The following DHX35 variants were observed in gnomAD, a reference collection of about 807,000 sequenced individuals.
DHX35 encodes probable ATP-dependent RNA helicase DHX35.
Under a neutral mutation model 99.6 loss-of-function variants are expected in DHX35, and 84 were observed. The ratio of observed to expected loss-of-function variants is 0.84; its 90% confidence interval spans 0.71 to 1.01. DHX35 has a LOEUF of 1.01. DHX35 is among the 50% of genes least tolerant of loss of function. DHX35 has a pLI of 0.00. For synonymous variants in DHX35, 331 were observed against 316.2 expected (o/e 1.05, Z -0.50); for missense variants, 852 against 888.5 (o/e 0.96, Z 0.52).
At chr20:38,979,113 C>T (rs935689811) in intron 3 of DHX35, among the ~76,000 whole-genome samples, 1 of 151,830 alleles carries the variant, frequency 6.6e-6, no homozygotes, top group Non-Finnish European at 1.5e-5. Flanking sequence ...TTTTTGAAGT[C>T]AGGTAATGCC....
At chr20:38,988,282 G>T (rs538487156) in intron 4 of DHX35, among the ~76,000 whole-genome samples, 3 of 152,174 alleles carry the variant, frequency 2.0e-5, no homozygotes, top group African/African-American at 7.2e-5. Context: ...GTTTTTCATT[G>T]TGTATGTTCT....
At chr20:39,022,455 C>T (rs2086889364) in intron 16 of DHX35, among the ~76,000 whole-genome samples, 1 of 152,168 alleles carries the variant, frequency 6.6e-6, no homozygotes, top group African/African-American at 2.4e-5. Context: ...CGTGCCCGGC[C>T]TATTATCATA....
intron 7 of DHX35, among the ~76,000 whole-genome samples, chr20:38,994,211 C>T (rs192872877): frequency 2.0e-5 from 3 of 151,786 alleles, no homozygotes; most frequent in Non-Finnish European, 2.9e-5. Flanking sequence ...ATAAGAGGGC[C>T]GATTTCACTG....
At chr20:38,982,019 C>A (rs1192619762) in intron 3 of DHX35, among the ~76,000 whole-genome samples, 1 of 150,976 alleles carries the variant, frequency 6.6e-6, no homozygotes, top group Admixed American at 6.6e-5. Flanking sequence ...ATTGCTGAGT[C>A]TCAGTGAGCA....
At chr20:38,972,749 C>T in intron 3 of DHX35, 98 bp downstream of exon 3, 1 of 766,754 alleles carries the variant, frequency 1.3e-6, no homozygotes, top group East Asian at 2.7e-5. Flanking sequence ...TTTTTAAGGT[C>T]TCCTTTCAGG....
At chr20:39,005,337 G>A (rs2086597581) in intron 11 of DHX35, among the ~76,000 whole-genome samples, 2 of 152,066 alleles carry the variant, frequency 1.3e-5, no homozygotes, top group African/African-American at 4.8e-5. Flanking sequence ...ACCTCATCTT[G>A]TACTTTGTAT....
chr20:39,030,759 G>T lies in DHX35; in HGVS notation c.1939G>T (p.Glu647Ter), dbSNP rs2087036034. 3 of 1,614,042 alleles carry T rather than the reference G, an allele frequency of 1.9e-6. No homozygotes were observed. Among genetic ancestry groups the T allele is most frequent in the Non-Finnish European group, 2.5e-6 (3 of 1,180,044 alleles). The change falls in exon 20 of 22, where the codon GAG becomes TAG. Residue 647 changes from glutamate (E) to a stop codon, truncating the protein, a stop_gained. Transcript: ENST00000252011. LOFTEE classifies it high-confidence loss of function. ...HIHPASVLYA[E>*]KPPRWVIYNE... ...ACACCCTGCGTCAGTCCTCTATGCA[G>T]AGAAGCCGCCTCGCTGGTAAGCTCA...
intron 10 of DHX35, 28 bp downstream of exon 10, chr20:39,002,896 T>C (rs762349349): frequency 1.1e-5 from 18 of 1,582,266 alleles, no homozygotes; most frequent in Non-Finnish European, 1.3e-5. Flanking sequence ...CTCTGATGAA[T>C]AGACATGTTA....
chr20:39,031,953 A>G (rs1236958562), intron 20 of DHX35, among the ~76,000 whole-genome samples: 1 of 152,214 alleles, frequency 6.6e-6, no homozygotes, highest in Admixed American at 6.5e-5. Flanking sequence ...AACACTGCCT[A>G]GGAAGAAAGA....
intron 20 of DHX35, among the ~76,000 whole-genome samples, chr20:39,033,964 G>A (rs538593419): frequency 3.2e-4 from 49 of 152,254 alleles, no homozygotes; most frequent in African/African-American, 1.0e-3. Context: ...GGTCCTTCGC[G>A]GATAACTGAG....
chr20:39,010,640 G>A (rs1460595431), intron 13 of DHX35, among the ~76,000 whole-genome samples: 4 of 152,198 alleles, frequency 2.6e-5, no homozygotes, highest in African/African-American at 9.7e-5. Flanking sequence ...ATAGAGACAA[G>A]TAAGTGGGTA....
intron 12 of DHX35, among the ~76,000 whole-genome samples, chr20:39,008,817 C>A (rs2086657234): frequency 6.6e-6 from 1 of 152,240 alleles, no homozygotes; most frequent in African/African-American, 2.4e-5. Flanking sequence ...CTTTGCCCAA[C>A]AGATCCTCCT....
intron 2 of DHX35, among the ~76,000 whole-genome samples, chr20:38,971,549 A>G (rs1275656247): frequency 6.6e-6 from 1 of 152,070 alleles, no homozygotes; most frequent in Admixed American, 6.6e-5. Context: ...AGTCTTATAA[A>G]TGCCTCCTGA....
chr20:39,030,859 C>G lies in DHX35; in HGVS notation c.1955+84C>G, dbSNP rs535925396. ...TTCTCCTGTACATGTTTCTTGACATCGCCTCTAGAATTGCTGCTCTGGGCC... is the reference window on the plus strand; with the variant it reads ...TTCTCCTGTACATGTTTCTTGACATGGCCTCTAGAATTGCTGCTCTGGGCC... On this transcript the variant is annotated intron_variant, in intron 20 of 21. Transcript: ENST00000252011. The G allele has an allele frequency of 2.1e-6, 3 of 1,460,568 alleles. No homozygotes were observed. In the East Asian group the frequency reaches 6.8e-5, roughly 33 times the overall value. 90.5% of individuals were successfully genotyped at this position (1,460,568 alleles called of 1,614,324 possible). A position where few individuals can be genotyped will look rare whatever the true frequency, so the allele number is the denominator to read the frequency against.
At chr20:38,981,994 T>TTGCTAC (rs2086181994) in intron 3 of DHX35, among the ~76,000 whole-genome samples, 2 of 151,632 alleles carry the variant, frequency 1.3e-5, no homozygotes, top group Admixed American at 1.3e-4. Context: ...AGAGTGCTCA[T>TTGCTAC]TGCTACGAGA....
Position 39,025,450 on chromosome 20 carries a change from A to G in DHX35, c.1801+91A>G. 6 of 1,504,682 alleles carry G rather than the reference A, an allele frequency of 4.0e-6. No homozygotes were observed. In the South Asian group the frequency reaches 7.8e-5, roughly 20 times the overall value. The allele number at this position is 1,504,682 out of a possible 1,614,324, so 93.2% of individuals were successfully genotyped here. ...TTCTCATGCTGGGCTGGTGCGAGGC[A>G]GTGTGGCGTGCTCTGTACCAACACT... On this transcript the variant is annotated intron_variant, in intron 18 of 21. Transcript: ENST00000252011.
chr20:38,962,453 C>G, intron 1 of DHX35, 46 bp downstream of exon 1: 1 of 1,599,182 alleles, frequency 6.3e-7, no homozygotes, highest in Middle Eastern at 1.7e-4. Context: ...GGCCTGACTT[C>G]GGTCTTGGCG....
chr20:38,978,428 G>A, intron 3 of DHX35: 1 of 630,838 alleles, frequency 1.6e-6, no homozygotes, highest in Admixed American at 2.1e-5. Context: ...TTCATGGGGT[G>A]GTGGCACGTA....
In DHX35 at chr20:38,962,469, GC is replaced by G. The variant is rs557073357; in HGVS notation, c.40+64del. 1,084 of 1,578,638 alleles carry G rather than the reference GC, an allele frequency of 6.9e-4. 8 individuals are homozygous for G. The African/African-American group carries it at 0.013, about 19-fold the overall frequency. On this transcript the variant is annotated intron_variant, in intron 1 of 21. Transcript: ENST00000252011. Reference sequence around the variant, plus strand: ...GCCTGACTTCGGTCTTGGCGCCGCGGCCGGCGCCCTGGGGCCAGCAGACCTG... The same window carrying G: ...GCCTGACTTCGGTCTTGGCGCCGCGGCGGCGCCCTGGGGCCAGCAGACCTG...
Sources: allele counts gnomAD v4.1 joint callset (sites outside exome capture counted in the v4.1 genomes callset), GRCh38; gene constraint gnomAD v4.1.1; transcripts MANE v1.5; gene names NCBI Gene and HGNC (gene_info 2026-07-23, HGNC 2026-07-21).